CIITA: variants seen among roughly 807,000 people sequenced by gnomAD.
The protein encoded by CIITA is MHC class II transactivator.
A neutral mutation model predicts 115.1 loss-of-function variants in CIITA; 72 were observed. That is an observed-to-expected ratio of 0.63 (90% CI 0.52 to 0.76). The LOEUF (loss-of-function observed/expected upper bound fraction) is 0.76, where lower values mean the gene tolerates loss of function less well. Among genes scored for constraint, CIITA ranks in the 30% least tolerant of loss-of-function variants. The pLI is 0.00. For missense variants in CIITA, 1,617 were observed against 1,463.8 expected (o/e 1.10, Z -1.71); for synonymous variants, 763 against 635.6 (o/e 1.20, Z -3.02).
intron 3 of CIITA, among the ~76,000 whole-genome samples, chr16:10,897,059 A>G (rs576158324): frequency 6.6e-6 from 1 of 152,332 alleles, no homozygotes; most frequent in Non-Finnish European, 1.5e-5. Context: ...CCTTAGTGGC[A>G]TCTCCACAGG....
At chr16:10,884,671 T>C (rs2036757732) in intron 1 of CIITA, among the ~76,000 whole-genome samples, 3 of 152,170 alleles carry the variant, frequency 2.0e-5, no homozygotes, top group African/African-American at 7.2e-5. Flanking sequence ...TCCTCCCTCC[T>C]CAGCCTCCCA....
rs371109301 is a variant in CIITA, at chr16:10,922,287, C to T, written c.3233+37C>T. On this transcript the variant is annotated intron_variant, in intron 17 of 19. Transcript: ENST00000324288. ...AGTCTGGGCGGTGGGTGGCTCAGCC[C>T]GGGGTGGGAGACACTGAAGTCTCTC... is the stretch of plus-strand genomic sequence containing the variant. The T allele has an allele frequency of 2.7e-5, 43 of 1,608,918 alleles. No homozygotes were observed. The African/African-American group carries it at 4.4e-4, about 17-fold the overall frequency.
Position 10,922,394 on chromosome 16 carries a change from T to C in CIITA, c.3234-13T>C. The C allele has an allele frequency of 6.2e-7, 1 of 1,614,010 alleles. No homozygotes were observed. The highest frequency in any genetic ancestry group is 1.1e-5 in the South Asian group (1 of 91,070). The stretch of plus-strand genomic sequence containing the variant: ...CCCAAGGGCCAGGCCCCAAGGTGAG[T>C]TTCTCTTGCCAGCGTCCAGTACAAC... On this transcript the variant is annotated splice_polypyrimidine_tract_variant and intron_variant, in intron 17 of 19. Coordinates refer to ENST00000324288, the MANE Select transcript of CIITA (RefSeq NM_000246.4).
downstream of CIITA, chr16:10,938,336 G>A (rs2041057725): frequency 1.3e-5 from 2 of 151,032 alleles, no homozygotes; most frequent in Non-Finnish European, 1.5e-5. This position sits in a 1 kb window ranked among gnomAD's most constrained non-coding sequence, Gnocchi z 4.9. Flanking sequence ...GCAAATGTTT[G>A]AGGAACTGAA....
At chr16:10,888,268 A>C (rs2037163080) in intron 1 of CIITA, 1 of 152,160 alleles carries the variant, frequency 6.6e-6, no homozygotes, top group Non-Finnish European at 1.5e-5. Flanking sequence ...CCCCCACTTT[A>C]CAGATAAGGA....
At chr16:10,902,556 A>C in intron 7 of CIITA, 102 bp from the exon 8 acceptor site, 4 of 1,422,724 alleles carry the variant, frequency 2.8e-6, no homozygotes, top group Admixed American at 1.8e-5. Flanking sequence ...TAGGGAAATT[A>C]GGGCCCTTTA....
chr16:10,918,224 G>A (rs1243129701), intron 15 of CIITA, among the ~76,000 whole-genome samples: 1 of 152,234 alleles, frequency 6.6e-6, no homozygotes, highest in African/African-American at 2.4e-5. Context: ...TCATGGGACA[G>A]GTGGGGGCAG....
Position 10,901,458 on chromosome 16 carries a change from C to G in CIITA, c.437-56C>G. ...TATAGCCTGCTAGAGTCCTGAGCCC[C>G]TTCTGGCTTGGGACATCCTCTCCCT... is the stretch of plus-strand genomic sequence containing the variant. On this transcript the variant is annotated intron_variant, in intron 5 of 19. Transcript: ENST00000324288. This position sits in a 1 kb window ranked among gnomAD's most constrained non-coding sequence, Gnocchi z 6.8. 6.2e-7 allele frequency: 1 copy of G among 1,600,716 alleles called. No homozygotes were observed. Among genetic ancestry groups the G allele is most frequent in the African/African-American group, 1.3e-5 (1 of 74,760 alleles).
At chr16:10,903,936 A>T in intron 9 of CIITA, 41 bp downstream of exon 9, 3 of 1,613,094 alleles carry the variant, frequency 1.9e-6, no homozygotes, top group Non-Finnish European at 2.5e-6. Context: ...TAGAAGCAGG[A>T]TCGAGGCCCT....
Position 10,907,345 on chromosome 16 carries a change from G to T in CIITA, c.1853G>T (p.Cys618Phe). ...SHSPTLCRAV[C>F]QLSEALLELG... ...AGCCCTACTTTGTGCCGGGCAGTGT[G>T]CCAGCTCTCAGAGGCCCTGCTGGAG... The change falls in exon 11 of 20, where the codon TGC becomes TTC. Residue 618 changes from cysteine (C) to phenylalanine (F), a missense_variant. Cys to Phe is a radical substitution (Grantham distance 205, BLOSUM62 -2). Coordinates refer to ENST00000324288, the MANE Select transcript of CIITA (RefSeq NM_000246.4). The surrounding 1 kb of genome is among the most constrained non-coding windows in gnomAD (Gnocchi z 5.0). 1.2e-6 allele frequency: 2 copies of T among 1,613,556 alleles called. No homozygotes were observed. The highest frequency in any genetic ancestry group is 1.7e-6 in the Non-Finnish European group (2 of 1,180,010).
In CIITA at chr16:10,879,002, A is replaced by G; in HGVS notation, c.52+1620A>G. 1 of 220,310 alleles carries G rather than the reference A, an allele frequency of 4.5e-6. No homozygotes were observed. 13.6% of individuals were successfully genotyped at this position (220,310 alleles called of 1,614,324 possible). A position where few individuals can be genotyped will look rare whatever the true frequency, so the allele number is the denominator to read the frequency against. ...CGCGGCCCCAGAGCTGGCGGGAGGG[A>G]GAGGCCACCAGCAGCGCGCGCGGGA... On this transcript the variant is annotated intron_variant, in intron 1 of 19. Transcript: ENST00000324288. The surrounding 1 kb of genome is among the most constrained non-coding windows in gnomAD (Gnocchi z 4.3).
At chr16:10,867,327 G>GGC (rs1379802540) in intron 1 of CIITA, among the ~76,000 whole-genome samples, 3 of 151,418 alleles carry the variant, frequency 2.0e-5, no homozygotes, top group South Asian at 2.1e-4. Context: ...GTGTGTTGGG[G>GGC]GGGGGCATGT....
chr16:10,875,075 T>TCTCATCC (rs1291190147), upstream of CIITA, among the ~76,000 whole-genome samples: 8 of 152,044 alleles, frequency 5.3e-5, no homozygotes, highest in African/African-American at 1.9e-4. Context: ...TTCATGTGAT[T>TCTCATCC]CTCATCCCTC....
chr16:10,910,351 C>G, intron 13 of CIITA, 92 bp downstream of exon 13: 1 of 1,091,152 alleles, frequency 9.2e-7, no homozygotes, highest in South Asian at 1.3e-5. Flanking sequence ...AGATAGATCT[C>G]CAGAATCATT....
intron 16 of CIITA, among the ~76,000 whole-genome samples, chr16:10,921,237 C>G (rs2040253579): frequency 6.6e-6 from 1 of 152,214 alleles, no homozygotes; most frequent in East Asian, 1.9e-4. Context: ...GAAATCATAC[C>G]CGCAGCAGCA....
At chr16:10,921,368 C>A (rs140647478) in intron 16 of CIITA, among the ~76,000 whole-genome samples, 1 of 152,342 alleles carries the variant, frequency 6.6e-6, no homozygotes, top group Non-Finnish European at 1.5e-5. Context: ...GAAACTGGAG[C>A]TGGTCCAGTG....
In CIITA at chr16:10,929,592, C is replaced by T. The variant is rs563328456; in HGVS notation, c.*5737C>T. Reference sequence around the variant, plus strand: ...GAAGGAAAAAGGGGGGTTATTAGCACGGAAGCCCCACCCTGCCACCAGGTT... The same window carrying T: ...GAAGGAAAAAGGGGGGTTATTAGCATGGAAGCCCCACCCTGCCACCAGGTT... On this transcript the variant is annotated 3_prime_UTR_variant, in exon 20 of 20. Transcript: ENST00000324288. This position sits in a 1 kb window ranked among gnomAD's most constrained non-coding sequence, Gnocchi z 4.3. 7.3e-5 allele frequency: 72 copies of T among 983,596 alleles called. No homozygotes were observed. Among genetic ancestry groups the T allele is most frequent in the Middle Eastern group, 5.2e-4 (1 of 1,912 alleles). The allele number at this position is 983,596 out of a possible 1,614,324, so 60.9% of individuals were successfully genotyped here.
Position 10,942,116 on chromosome 16 carries a change from G to T in CIITA, n.1242G>T. ...GCCATCCAGGGGTACCCTGGAGCCCGACAGAAGCAGGGCCGGGCTCCAGAT... is the reference window on the plus strand; with the variant it reads ...GCCATCCAGGGGTACCCTGGAGCCCTACAGAAGCAGGGCCGGGCTCCAGAT... On this transcript the variant is annotated non_coding_transcript_exon_variant, in exon 2 of 2. Transcript: ENST00000573379. The surrounding 1 kb of genome is among the most constrained non-coding windows in gnomAD (Gnocchi z 5.0). 1 of 802,924 alleles carries T rather than the reference G, an allele frequency of 1.2e-6. No individual in the cohort carries two copies. The highest frequency in any genetic ancestry group is 1.8e-6 in the Non-Finnish European group (1 of 570,342). 49.7% of individuals were successfully genotyped at this position (802,924 alleles called of 1,614,324 possible). A position where few individuals can be genotyped will look rare whatever the true frequency, so the allele number is the denominator to read the frequency against.
At position 10,926,102 on chromosome 16, in the gene CIITA, C is replaced by G. The variant is rs545881490; in HGVS notation, c.*2247C>G. The G allele has an allele frequency of 6.6e-6, 1 of 152,404 alleles. No individual in the cohort carries two copies. The allele number at this position is 152,404 out of a possible 1,614,324, so 9.4% of individuals were successfully genotyped here. A position where few individuals can be genotyped will look rare whatever the true frequency, so the allele number is the denominator to read the frequency against. On this transcript the variant is annotated 3_prime_UTR_variant, in exon 20 of 20. Coordinates refer to ENST00000324288, the MANE Select transcript of CIITA (RefSeq NM_000246.4). Reference sequence around the variant, plus strand: ...GTGGGAGCTGCCTGTTCAGCTCCAGCTCACCAGCCCCAGTGCCCACAGGAT... The same window carrying G: ...GTGGGAGCTGCCTGTTCAGCTCCAGGTCACCAGCCCCAGTGCCCACAGGAT...
Sources: gnomAD v4.1 joint callset for allele counts (sites outside exome capture counted in the v4.1 genomes callset) on GRCh38, gnomAD v4.1.1 for gene constraint, Gnocchi (gnomAD v3.1) non-coding constraint, MANE v1.5 for transcripts, NCBI Gene and HGNC (gene_info 2026-07-23, HGNC 2026-07-21) for gene names.